Variants in HYCC2 observed in about 807,000 individuals in gnomAD.
HYCC2 encodes the protein hyccin 2.
At chr2:201,036,660 A>G in the HYCC2 span, among the ~76,000 whole-genome samples, 2 of 152,208 alleles carry the variant, frequency 1.3e-5, no homozygotes, top group Non-Finnish European at 2.9e-5. Context: ...GATTATCTCA[A>G]TAGATGCAGA....
chr2:201,050,300 T>C, the HYCC2 span, among the ~76,000 whole-genome samples: 5 of 150,274 alleles, frequency 3.3e-5, no homozygotes, highest in East Asian at 9.7e-4. Flanking sequence ...ATAAATTAAA[T>C]TACTAATGCT....
the HYCC2 span, among the ~76,000 whole-genome samples, chr2:200,997,736 C>T: frequency 3.9e-5 from 6 of 152,222 alleles, no homozygotes; most frequent in Non-Finnish European, 5.9e-5. Context: ...TCTATATTTC[C>T]GTTTTTAAAA....
At chr2:201,025,215 G>A in the HYCC2 span, among the ~76,000 whole-genome samples, 1 of 152,106 alleles carries the variant, frequency 6.6e-6, no homozygotes, top group South Asian at 2.1e-4. Context: ...GGTCAACCCT[G>A]GAAGTTTATC....
chr2:201,034,228 G>A, the HYCC2 span, among the ~76,000 whole-genome samples: 1 of 152,084 alleles, frequency 6.6e-6, no homozygotes, highest in Non-Finnish European at 1.5e-5. Context: ...TACTTTAAAA[G>A]ACAATATGAA....
the HYCC2 span, chr2:200,975,808 G>A: frequency 2.0e-4 from 31 of 152,212 alleles, no homozygotes; most frequent in African/African-American, 7.5e-4. Flanking sequence ...TGTGTGGTCA[G>A]GTTCAGAAGA....
At chr2:201,038,359 G>C in the HYCC2 span, among the ~76,000 whole-genome samples, 7 of 152,130 alleles carry the variant, frequency 4.6e-5, no homozygotes, top group African/African-American at 1.7e-4. Context: ...TCTAGAACTA[G>C]AAATACCATT....
the HYCC2 span, among the ~76,000 whole-genome samples, chr2:200,999,390 C>CT: frequency 1.2e-3 from 180 of 145,548 alleles, no homozygotes; most frequent in South Asian, 7.0e-3. Context: ...CCTCTCCCCA[C>CT]TTTTTTTTTT....
the HYCC2 span, among the ~76,000 whole-genome samples, chr2:201,053,011 T>C: frequency 6.6e-6 from 1 of 152,202 alleles, no homozygotes; most frequent in Admixed American, 6.5e-5. Context: ...TAGTGCCGCT[T>C]CTCACCAATT....
the HYCC2 span, among the ~76,000 whole-genome samples, chr2:200,989,373 A>C: frequency 6.6e-6 from 1 of 152,194 alleles, no homozygotes; most frequent in Non-Finnish European, 1.5e-5. Flanking sequence ...TAATTTTTTA[A>C]TCTTTTTATC....
chr2:200,982,400 G>A, the HYCC2 span, among the ~76,000 whole-genome samples: 1 of 151,948 alleles, frequency 6.6e-6, no homozygotes, highest in Non-Finnish European at 1.5e-5. Context: ...CTCAGTGGTT[G>A]GTTAACTGCT....
chr2:201,006,066 T>C, the HYCC2 span, among the ~76,000 whole-genome samples: 272 of 151,586 alleles, frequency 1.8e-3, 1 homozygote, highest in African/African-American at 6.4e-3. Context: ...ACTCCTGACC[T>C]TGTGATCCGC....
chr2:201,046,593 T>C, the HYCC2 span, among the ~76,000 whole-genome samples: 30 of 152,248 alleles, frequency 2.0e-4, no homozygotes, highest in Non-Finnish European at 3.7e-4. Context: ...TGCCAAATTT[T>C]TGAAGCAGTC....
the HYCC2 span, among the ~76,000 whole-genome samples, chr2:200,986,772 C>CT: frequency 6.6e-6 from 1 of 152,104 alleles, no homozygotes. Context: ...CAGTAGTTTA[C>CT]TAGTTAGGCC....
At chr2:201,024,085 A>G in the HYCC2 span, 1 of 1,038,574 alleles carries the variant, frequency 9.6e-7, no homozygotes, top group African/African-American at 1.6e-5. Context: ...TACTTATAGG[A>G]ACAACTAGAA....
At chr2:201,017,094 T>G in the HYCC2 span, 1 of 1,614,092 alleles carries the variant, frequency 6.2e-7, no homozygotes, top group Non-Finnish European at 8.5e-7. Context: ...TGGCAAGAAC[T>G]GCAGTGTGAA....
the HYCC2 span, chr2:200,996,660 A>G: frequency 6.6e-6 from 1 of 152,198 alleles, no homozygotes; most frequent in African/African-American, 2.4e-5. Context: ...ATGATTTAGT[A>G]AAGATTATAA....
At chr2:201,044,600 G>A in the HYCC2 span, among the ~76,000 whole-genome samples, 1 of 152,242 alleles carries the variant, frequency 6.6e-6, no homozygotes, top group Middle Eastern at 3.4e-3. Flanking sequence ...TGAGAATAAT[G>A]CATGTCGCTA....
chr2:201,026,506 T>G, the HYCC2 span, among the ~76,000 whole-genome samples: 5 of 152,208 alleles, frequency 3.3e-5, no homozygotes, highest in African/African-American at 1.2e-4. Context: ...ATCAACAGAA[T>G]ATACATGCTT....
chr2:201,038,610 G>A, the HYCC2 span, among the ~76,000 whole-genome samples: 1 of 152,062 alleles, frequency 6.6e-6, no homozygotes, highest in African/African-American at 2.4e-5. Context: ...GGAAGAAGCT[G>A]GAAACCATCA....
Sources: gnomAD v4.1 joint callset for allele counts (sites outside exome capture counted in the v4.1 genomes callset) on GRCh38, gnomAD v4.1.1 for gene constraint, MANE v1.5 for transcripts, NCBI Gene and HGNC (gene_info 2026-07-23, HGNC 2026-07-21) for gene names.